The following FNTA variants were observed in gnomAD, a reference collection of about 807,000 sequenced individuals.
The protein encoded by FNTA is farnesyltransferase, CAAX box, subunit alpha, also known as protein farnesyltransferase/geranylgeranyltransferase type-1 subunit alpha.
In FNTA, 27 loss-of-function variants were observed where a neutral mutation model predicts 55.2. The ratio of observed to expected loss-of-function variants is 0.49; its 90% confidence interval spans 0.36 to 0.67. The LOEUF (loss-of-function observed/expected upper bound fraction) is 0.67. FNTA is among the 30% of genes least tolerant of loss of function. FNTA has a pLI of 0.00. For missense variants in FNTA, 422 were observed against 464.7 expected (o/e 0.91, Z 0.85); for synonymous variants, 176 against 170.7 (o/e 1.03, Z -0.24).
intron 5 of FNTA, among the ~76,000 whole-genome samples, chr8:43,073,883 G>C (rs1810851145): frequency 6.6e-6 from 1 of 152,086 alleles, no homozygotes; most frequent in South Asian, 2.1e-4. Flanking sequence ...AGGAACTGTG[G>C]TCTATTTCTA....
In FNTA at chr8:43,059,009, A is replaced by G; in HGVS notation, c.201-83A>G. On this transcript the variant is annotated intron_variant, in intron 1 of 8. Transcript: ENST00000302279. ...AAGTTATTAATATCAATGTAACTGT[A>G]ATTATTGTCATTTTAAAAACACTAG... 4 of 991,172 alleles carry G rather than the reference A, an allele frequency of 4.0e-6. No homozygotes were observed. The South Asian group carries it at 5.8e-5, about 14-fold the overall frequency. The allele number at this position is 991,172 out of a possible 1,614,324, so 61.4% of individuals were successfully genotyped here.
chr8:43,062,391 C>T lies in FNTA; in HGVS notation c.287-1710C>T, dbSNP rs183208102. The stretch of plus-strand genomic sequence containing the variant: ...CTGTCTCCCAGGTTCAAGCGATTCT[C>T]GTGCCTCAGCCTTCTGAGTAGCTGG... On this transcript the variant is annotated intron_variant, in intron 2 of 8. Coordinates refer to ENST00000302279, the MANE Select transcript of FNTA (RefSeq NM_002027.3). Among the ~76,000 whole-genome samples, 124 of 152,054 alleles carry T rather than the reference C, an allele frequency of 8.2e-4. 1 individual carries two copies. Among genetic ancestry groups the T allele is most frequent in the Non-Finnish European group, 1.5e-3 (104 of 67,984 alleles).
At chr8:43,071,910 C>T (rs1203743430) in intron 4 of FNTA, among the ~76,000 whole-genome samples, 1 of 152,044 alleles carries the variant, frequency 6.6e-6, no homozygotes, top group Non-Finnish European at 1.5e-5. Context: ...TTTGTCTTGT[C>T]TCTCATTATA....
chr8:43,063,969 G>A (rs1217479766), intron 2 of FNTA, 132 bp from the exon 3 acceptor site: 1 of 629,444 alleles, frequency 1.6e-6, no homozygotes, highest in Non-Finnish European at 2.8e-6. Flanking sequence ...ACAGCCATTT[G>A]ACTTTATTTT....
intron 2 of FNTA, among the ~76,000 whole-genome samples, chr8:43,062,171 T>TTG (rs1231444055): frequency 6.7e-5 from 5 of 74,980 alleles, no homozygotes; most frequent in South Asian, 5.1e-4. Flanking sequence ...TGTGTATGTT[T>TTG]TATGTGTGTG....
At chr8:43,064,351 G>T in intron 3 of FNTA, 136 bp downstream of exon 3, 1 of 577,264 alleles carries the variant, frequency 1.7e-6, no homozygotes, top group South Asian at 2.0e-5. Flanking sequence ...CACTCTTGTT[G>T]CCCAGGCTGG....
intron 4 of FNTA, among the ~76,000 whole-genome samples, chr8:43,070,918 AC>A (rs1376457067): frequency 6.6e-6 from 1 of 152,192 alleles, no homozygotes; most frequent in Non-Finnish European, 1.5e-5. Context: ...AAATTACTGA[AC>A]TCACCAGCAA....
intron 3 of FNTA, among the ~76,000 whole-genome samples, chr8:43,064,432 C>T (rs958421673): frequency 2.6e-5 from 4 of 152,012 alleles, no homozygotes; most frequent in Non-Finnish European, 5.9e-5. Context: ...CCTGCCTCAG[C>T]CTTCTGAGTA....
intron 3 of FNTA, among the ~76,000 whole-genome samples, chr8:43,067,827 C>G (rs1010312474): frequency 1.1e-4 from 16 of 152,124 alleles, no homozygotes; most frequent in Non-Finnish European, 1.8e-4. Flanking sequence ...TCAAGTGATT[C>G]TCGTGCTGCA....
chr8:43,069,555 G>A lies in FNTA; in HGVS notation c.402G>A (p.Trp134Ter). 1 of 1,597,284 alleles carries A rather than the reference G, an allele frequency of 6.3e-7. No individual in the cohort carries two copies. ...TTTGGATGTTGTATGTTTGCCCTAG[G>A]CATTTCCGGAGAGTTCTTTTGAAGT... Reference protein sequence around the residue: ...IELNAANYTVWHFRRVLLKSL... With the variant: ...IELNAANYTV The change falls in exon 4 of 9, where the codon TGG becomes TGA. Residue 134 changes from tryptophan (W) to a stop codon, truncating the protein, a stop_gained and splice_region_variant. Transcript: ENST00000302279. LOFTEE classifies it high-confidence loss of function.
chr8:43,065,809 T>C (rs897926557), intron 3 of FNTA, among the ~76,000 whole-genome samples: 3 of 151,498 alleles, frequency 2.0e-5, no homozygotes, highest in African/African-American at 7.4e-5. Context: ...TCTCATTTTA[T>C]AGAGCACATC....
intron 4 of FNTA, among the ~76,000 whole-genome samples, chr8:43,070,541 T>C (rs1810762918): frequency 6.6e-6 from 1 of 152,228 alleles, no homozygotes; most frequent in Admixed American, 6.5e-5. Context: ...CAGGCATTAG[T>C]GTTTGATTAC....
At chr8:43,058,966 T>C in intron 1 of FNTA, 126 bp from the exon 2 acceptor site, 1 of 633,744 alleles carries the variant, frequency 1.6e-6, no homozygotes, top group East Asian at 3.0e-5. Flanking sequence ...CCAACCATGA[T>C]TACATTATGA....
intron 6 of FNTA, 104 bp from the exon 7 acceptor site, chr8:43,083,014 C>G (rs1324501821): frequency 1.6e-5 from 10 of 634,166 alleles, no homozygotes; most frequent in Non-Finnish European, 2.7e-5. Flanking sequence ...CCACTGCACT[C>G]CAGCCTGGGT....
At chr8:43,076,249 G>T (rs1586660010) in intron 5 of FNTA, among the ~76,000 whole-genome samples, 1 of 152,132 alleles carries the variant, frequency 6.6e-6, no homozygotes, top group East Asian at 1.9e-4. Context: ...TAGCCATGTT[G>T]GCCAGGTTGG....
chr8:43,064,632 T>C (rs1419873953), intron 3 of FNTA, among the ~76,000 whole-genome samples: 1 of 151,258 alleles, frequency 6.6e-6, no homozygotes, highest in African/African-American at 2.4e-5. Context: ...TTTATCAAAA[T>C]AGCAATTCGC....
At chr8:43,064,737 T>C (rs1013875889) in intron 3 of FNTA, among the ~76,000 whole-genome samples, 2 of 152,194 alleles carry the variant, frequency 1.3e-5, no homozygotes, top group African/African-American at 4.8e-5. Flanking sequence ...AGGTGGTAAG[T>C]AACTCTTAGT....
chr8:43,059,103 A>G lies in FNTA; in HGVS notation c.212A>G (p.Glu71Gly). ...ATGTCTGTTTTCAGGGACAGAGCAG[A>G]ATGGGCTGATATAGATCCGGTGCCG... ...PSYVLYRDRA[E>G]WADIDPVPQN... is the part of the protein sequence containing the mutation. Residue 71 changes from glutamate (E) to glycine (G), a missense_variant, in exon 2 of 9, where the codon GAA becomes GGA. By Grantham distance (98) the Glu-to-Gly change is moderately conservative. Around this residue, in one of 2 missense-constraint regions of FNTA, gnomAD observed 160 missense variants for 121.6 expected, o/e 1.32. Coordinates refer to ENST00000302279, the MANE Select transcript of FNTA (RefSeq NM_002027.3). 6.2e-7 allele frequency: 1 copy of G among 1,613,518 alleles called. No individual in the cohort carries two copies. The highest frequency in any genetic ancestry group is 1.7e-4 in the Middle Eastern group (1 of 5,852).
intron 6 of FNTA, chr8:43,082,107 C>T (rs1293693002): frequency 2.6e-5 from 4 of 152,024 alleles, no homozygotes; most frequent in Admixed American, 2.0e-4. Context: ...AGTAACAGCA[C>T]TGCAGCAGAA....
Sources: gnomAD v4.1 joint callset for allele counts (sites outside exome capture counted in the v4.1 genomes callset) on GRCh38, gnomAD v4.1.1 for gene constraint, gnomAD v4.1.1 regional missense constraint, MANE v1.5 for transcripts, NCBI Gene and HGNC (gene_info 2026-07-23, HGNC 2026-07-21) for gene names.